ATF7: variants seen among roughly 807,000 people sequenced by gnomAD.
The protein encoded by ATF7 is cyclic AMP-dependent transcription factor ATF-7.
ATF7 carries 10 observed loss-of-function variants against 50.4 expected under a neutral mutation model. The observed-to-expected ratio is 0.20, with a 90% CI of 0.12 to 0.34. ATF7 has a LOEUF of 0.34. ATF7 is among the 10% of genes least tolerant of loss of function. The probability of loss-of-function intolerance (pLI) is 1.00; values close to 1 mark genes in which losing one functional copy is unlikely to be tolerated. For missense variants in ATF7, 465 were observed against 613.9 expected, an observed-to-expected ratio of 0.76 and a Z score of 2.56; for synonymous variants, 201 against 226.4, an observed-to-expected ratio of 0.89 and a Z score of 1.01.
chr12:53,594,244 G>A (rs2137786883), intron 2 of ATF7, among the ~76,000 whole-genome samples: 1 of 152,264 alleles, frequency 6.6e-6, no homozygotes, highest in African/African-American at 2.4e-5. Flanking sequence ...TGCAAAGAAA[G>A]GATTTTATTT....
At chr12:53,594,120 AAAGG>A (rs1943057234) in intron 2 of ATF7, among the ~76,000 whole-genome samples, 1 of 152,262 alleles carries the variant, frequency 6.6e-6, no homozygotes, top group African/African-American at 2.4e-5. Flanking sequence ...CCAGAGTGGC[AAAGG>A]AAGGATAAAT....
intron 2 of ATF7, among the ~76,000 whole-genome samples, chr12:53,570,981 A>T (rs907481147): frequency 6.6e-6 from 1 of 152,164 alleles, no homozygotes; most frequent in Admixed American, 6.6e-5. Context: ...CAATGTTCTA[A>T]TTCTTAGAAG....
chr12:53,590,257 T>C (rs1265483180), intron 2 of ATF7, among the ~76,000 whole-genome samples: 1 of 152,232 alleles, frequency 6.6e-6, no homozygotes, highest in African/African-American at 2.4e-5. Context: ...AACCAATTCA[T>C]ACTAAAGTGT....
downstream of ATF7, among the ~76,000 whole-genome samples, chr12:53,508,587 G>A (rs1205796073): frequency 6.6e-6 from 1 of 152,052 alleles, no homozygotes; most frequent in East Asian, 1.9e-4. Flanking sequence ...AGATATAGAG[G>A]GAGGCTACAG....
In ATF7 at chr12:53,597,788, G is replaced by A. The variant is rs115741471; in HGVS notation, c.48+3165C>T. Among the ~76,000 whole-genome samples, 561 of 144,422 alleles carry A rather than the reference G, an allele frequency of 3.9e-3. 3 individuals carry two copies. The highest frequency in any genetic ancestry group is 0.014 in the African/African-American group (531 of 38,270). The allele number at this position is 144,422 out of a possible 152,430, so 94.7% of individuals were successfully genotyped here. ...AGCGCCACGGCACTCCAGCTTGGGC[G>A]ACAGAGTGGAACTCTGTCTCAAAAA... On this transcript the variant is annotated intron_variant, in intron 2 of 11. Transcript: ENST00000420353.
At chr12:53,564,654 TAAA>T (rs1941341671) in intron 2 of ATF7, among the ~76,000 whole-genome samples, 1 of 152,166 alleles carries the variant, frequency 6.6e-6, no homozygotes, top group Non-Finnish European at 1.5e-5. Flanking sequence ...ATGTTACAAT[TAAA>T]TCAACAAGCT....
At chr12:53,569,414 T>C (rs1268618433) in intron 2 of ATF7, among the ~76,000 whole-genome samples, 1 of 152,234 alleles carries the variant, frequency 6.6e-6, no homozygotes, top group Non-Finnish European at 1.5e-5. Context: ...TGGAATGTTC[T>C]TCTCTACTTT....
intron 11 of ATF7, chr12:53,522,668 C>A (rs1471451148): frequency 6.6e-6 from 1 of 152,386 alleles, no homozygotes; most frequent in East Asian, 1.9e-4. Context: ...GAGATTGAGA[C>A]CATCCTGGCT....
At chr12:53,587,626 G>A (rs1446192449) in intron 2 of ATF7, among the ~76,000 whole-genome samples, 4 of 147,430 alleles carry the variant, frequency 2.7e-5, no homozygotes, top group East Asian at 2.0e-4. Context: ...AGCTGAGATC[G>A]CACCACTGTA....
intron 2 of ATF7, among the ~76,000 whole-genome samples, chr12:53,598,467 G>A (rs143859484): frequency 6.6e-6 from 1 of 152,268 alleles, no homozygotes; most frequent in African/African-American, 2.4e-5. Context: ...CTAAGCCGGA[G>A]GTTATAATGA....
chr12:53,606,912 A>G (rs928102728), intron 1 of ATF7, among the ~76,000 whole-genome samples: 12 of 152,032 alleles, frequency 7.9e-5, no homozygotes, highest in African/African-American at 2.2e-4. Flanking sequence ...TTATGGCTGC[A>G]TAGTATTCCA....
At chr12:53,551,737 T>C (rs1940367260) in intron 3 of ATF7, among the ~76,000 whole-genome samples, 1 of 152,216 alleles carries the variant, frequency 6.6e-6, no homozygotes, top group South Asian at 2.1e-4. Context: ...CTGTGTCTTA[T>C]ATGAGTTATT....
At chr12:53,519,584 C>T (rs369822269) in intron 11 of ATF7, among the ~76,000 whole-genome samples, 145 of 151,956 alleles carry the variant, frequency 9.5e-4, no homozygotes, top group African/African-American at 3.3e-3. Context: ...CGCCTGTAGT[C>T]CCAGCTACTC....
intron 2 of ATF7, among the ~76,000 whole-genome samples, chr12:53,569,913 G>A (rs1941656752): frequency 6.6e-6 from 1 of 152,160 alleles, no homozygotes; most frequent in South Asian, 2.1e-4. Context: ...TCCTGACCTT[G>A]TGATCTGCCT....
chr12:53,555,503 T>A lies in ATF7; in HGVS notation c.49-2866A>T, dbSNP rs1480954736. On this transcript the variant is annotated intron_variant, in intron 2 of 11. Transcript: ENST00000420353. ...GAAAATAATATAATTTTTTTTTTTT[T>A]TTTTTTTTTTTTTTTGTGAGACGGA... 5.1e-4 allele frequency among the ~76,000 whole-genome samples: 39 copies of A among 76,270 alleles called. 2 individuals are homozygous for A. The allele number at this position is 76,270 out of a possible 152,430, so 50.0% of individuals were successfully genotyped here. A position where few individuals can be genotyped will look rare whatever the true frequency, so the allele number is the denominator to read the frequency against.
chr12:53,592,842 T>C (rs1340254142), intron 2 of ATF7, among the ~76,000 whole-genome samples: 3 of 152,166 alleles, frequency 2.0e-5, no homozygotes, highest in African/African-American at 7.2e-5. Context: ...TCCCCCAAAC[T>C]AAATACATAA....
At chr12:53,542,288 G>A (rs1346117093) in intron 4 of ATF7, among the ~76,000 whole-genome samples, 1 of 151,766 alleles carries the variant, frequency 6.6e-6, no homozygotes, top group African/African-American at 2.4e-5. Flanking sequence ...TTAGCCAGGT[G>A]TGGTGGTGGG....
At chr12:53,511,666 A>G (rs1944129874), downstream of ATF7, among the ~76,000 whole-genome samples, 1 of 152,192 alleles carries the variant, frequency 6.6e-6, no homozygotes, top group Admixed American at 6.5e-5. Context: ...CACAACAGCC[A>G]CTTTTTAATG....
At chr12:53,545,287 G>C (rs1252570140) in intron 3 of ATF7, among the ~76,000 whole-genome samples, 1 of 152,076 alleles carries the variant, frequency 6.6e-6, no homozygotes, top group Non-Finnish European at 1.5e-5. Flanking sequence ...CCCTGAACCT[G>C]CTCTAATGAA....
Sources: gnomAD v4.1 joint callset for allele counts (sites outside exome capture counted in the v4.1 genomes callset) on GRCh38, gnomAD v4.1.1 for gene constraint, MANE v1.5 for transcripts, NCBI Gene and HGNC (gene_info 2026-07-23, HGNC 2026-07-21) for gene names.